ULK4: variants seen among roughly 807,000 people sequenced by gnomAD.
The protein encoded by ULK4 is unc-51 like kinase 4, also known as inactive serine/threonine-protein kinase ULK4.
ULK4 carries 133 observed loss-of-function variants against 160.6 expected under a neutral mutation model. The observed-to-expected ratio is 0.83, with a 90% CI of 0.72 to 0.96. The LOEUF (loss-of-function observed/expected upper bound fraction) is 0.96. Ranked by LOEUF, ULK4 falls within the 40% of genes least tolerant of loss-of-function variation. ULK4 has a pLI of 0.00. For synonymous variants in ULK4, 534 were observed against 539.8 expected, an observed-to-expected ratio of 0.99 and a Z score of 0.15; for missense variants, 1,580 against 1,499.5, an observed-to-expected ratio of 1.05 and a Z score of -0.89.
chr3:41,676,431 T>C (rs1260826565), intron 29 of ULK4, among the ~76,000 whole-genome samples: 2 of 152,172 alleles, frequency 1.3e-5, no homozygotes, highest in Non-Finnish European at 2.9e-5. Flanking sequence ...TTAGAAAGTA[T>C]GAATTGTAAA....
intron 4 of ULK4, among the ~76,000 whole-genome samples, chr3:41,933,065 C>T (rs1190418292): frequency 6.6e-6 from 1 of 152,122 alleles, no homozygotes; most frequent in Non-Finnish European, 1.5e-5. Flanking sequence ...AAAATAAAGG[C>T]AATGTGAAGT....
chr3:41,815,330 T>C (rs897144160), intron 19 of ULK4, among the ~76,000 whole-genome samples: 2 of 152,264 alleles, frequency 1.3e-5, no homozygotes, highest in Non-Finnish European at 2.9e-5. Context: ...TGTTTTGTAT[T>C]TCTTCGTGTC....
At position 41,819,471 on chromosome 3, in the gene ULK4, A is replaced by C. The variant is rs760436014; in HGVS notation, c.1800T>G (p.Ala600=). ...GCACTGTGTATGCAGCCAAGGGAAC[A>C]GCCCAGCACTCTCTAGGGTTCTTTT... The part of the protein sequence containing the change: ...EKKKNPRECW[A]VPLAAYTVLM... Residue 600 remains alanine (A), a synonymous_variant, in exon 19 of 37, where the codon GCT becomes GCG. Coordinates refer to ENST00000301831, the MANE Select transcript of ULK4 (RefSeq NM_017886.4). The C allele has an allele frequency of 1.2e-6, 2 of 1,613,456 alleles. No individual in the cohort carries two copies. The highest frequency in any genetic ancestry group is 8.5e-7 in the Non-Finnish European group (1 of 1,179,896).
At chr3:41,551,637 C>G (rs2087071412) in intron 32 of ULK4, among the ~76,000 whole-genome samples, 1 of 151,838 alleles carries the variant, frequency 6.6e-6, no homozygotes, top group Non-Finnish European at 1.5e-5. Flanking sequence ...AATAAATCTT[C>G]CAGCAAAGAA....
chr3:41,651,227 T>C (rs761659178), intron 30 of ULK4, among the ~76,000 whole-genome samples: 3 of 152,130 alleles, frequency 2.0e-5, no homozygotes, highest in Non-Finnish European at 4.4e-5. Context: ...TCCCTGAAAA[T>C]TGGGGGCTTG....
At chr3:41,814,036 T>C (rs1294787075) in intron 19 of ULK4, among the ~76,000 whole-genome samples, 2 of 152,118 alleles carry the variant, frequency 1.3e-5, no homozygotes, top group Admixed American at 1.3e-4. Context: ...AAAGAGGTGA[T>C]GGGGTAAGCA....
At chr3:41,435,362 G>T (rs775608363) in intron 34 of ULK4, among the ~76,000 whole-genome samples, 10 of 151,910 alleles carry the variant, frequency 6.6e-5, no homozygotes, top group Non-Finnish European at 1.3e-4. Flanking sequence ...ATGATCACAG[G>T]GTGTCCAATC....
At chr3:41,664,087 C>A (rs769838784) in intron 29 of ULK4, among the ~76,000 whole-genome samples, 80 of 152,192 alleles carry the variant, frequency 5.3e-4, no homozygotes, top group Non-Finnish European at 1.1e-3. Context: ...AAGTCTGAAA[C>A]AACTTCACTT....
intron 32 of ULK4, among the ~76,000 whole-genome samples, chr3:41,474,284 T>C (rs888554572): frequency 6.6e-6 from 1 of 152,160 alleles, no homozygotes; most frequent in Admixed American, 6.5e-5. Flanking sequence ...TAAATGGTGC[T>C]AGGTAAATCA....
At chr3:41,961,046 CCA>C (rs1034370539) in intron 1 of ULK4, among the ~76,000 whole-genome samples, 1 of 152,116 alleles carries the variant, frequency 6.6e-6, no homozygotes, top group Non-Finnish European at 1.5e-5. Context: ...TTCCCAGAAA[CCA>C]CAGTTTAGTC....
intron 32 of ULK4, among the ~76,000 whole-genome samples, chr3:41,534,223 G>C (rs1291992619): frequency 1.3e-5 from 2 of 152,180 alleles, no homozygotes; most frequent in Non-Finnish European, 2.9e-5. Context: ...TGAGTAGTTT[G>C]ATTTCTGACA....
chr3:41,749,346 G>A (rs2038536360), intron 22 of ULK4, among the ~76,000 whole-genome samples: 1 of 152,150 alleles, frequency 6.6e-6, no homozygotes, highest in Non-Finnish European at 1.5e-5. Context: ...AGTCAGGCAT[G>A]GCGGCATGCA....
intron 34 of ULK4, among the ~76,000 whole-genome samples, chr3:41,437,900 G>C (rs1575217926): frequency 6.6e-6 from 1 of 152,212 alleles, no homozygotes; most frequent in East Asian, 1.9e-4. Context: ...CTGAAAATTA[G>C]AACCTGGAGG....
At chr3:41,471,023 G>A (rs565609058) in intron 32 of ULK4, among the ~76,000 whole-genome samples, 1 of 151,852 alleles carries the variant, frequency 6.6e-6, no homozygotes, top group African/African-American at 2.4e-5. Context: ...AAAAGACATA[G>A]AGTAATTGAA....
chr3:41,484,707 C>T (rs1327542265), intron 32 of ULK4, among the ~76,000 whole-genome samples: 2 of 152,098 alleles, frequency 1.3e-5, no homozygotes, highest in Non-Finnish European at 2.9e-5. Flanking sequence ...CCACCTTGGC[C>T]TCCCAAAGTG....
At chr3:41,858,755 T>A (rs1333069828) in intron 17 of ULK4, among the ~76,000 whole-genome samples, 2 of 151,018 alleles carry the variant, frequency 1.3e-5, no homozygotes, top group East Asian at 3.9e-4. Flanking sequence ...TCTGCCTACC[T>A]CAGTCTCCCA....
chr3:41,844,587 C>G (rs531873952), intron 17 of ULK4, among the ~76,000 whole-genome samples: 2 of 152,196 alleles, frequency 1.3e-5, no homozygotes, highest in African/African-American at 4.8e-5. Flanking sequence ...CGGCTCCAGC[C>G]TTGGCCAGCC....
At chr3:41,438,876 C>T (rs2083095521) in intron 34 of ULK4, among the ~76,000 whole-genome samples, 1 of 151,316 alleles carries the variant, frequency 6.6e-6, no homozygotes, top group Non-Finnish European at 1.5e-5. Flanking sequence ...TATTTGTAAA[C>T]CATTCCAGAG....
At position 41,845,577 on chromosome 3, in the gene ULK4, G is replaced by C. The variant is rs369246471; in HGVS notation, c.1657-9606C>G. The stretch of plus-strand genomic sequence containing the variant: ...TAAAAAGGGAATATGAGGGATCCTT[G>C]CAGTGATGAAACTCTTCTTTTCCTT... On this transcript the variant is annotated intron_variant, in intron 17 of 36. Transcript: ENST00000301831. Among the ~76,000 whole-genome samples the C allele has an allele frequency of 1.6e-3, 245 of 152,254 alleles. 1 individual carries two copies. The highest frequency in any genetic ancestry group is 5.8e-3 in the African/African-American group (241 of 41,550).
Sources: gnomAD v4.1 joint callset for allele counts (sites outside exome capture counted in the v4.1 genomes callset) on GRCh38, gnomAD v4.1.1 for gene constraint, MANE v1.5 for transcripts, NCBI Gene and HGNC (gene_info 2026-07-23, HGNC 2026-07-21) for gene names.